Variants in HMGXB3 observed in about 807,000 individuals in gnomAD.
HMGXB3 encodes the protein HMG domain-containing protein 3.
HMGXB3 carries 45 observed loss-of-function variants against 121.5 expected under a neutral mutation model. The observed-to-expected ratio is 0.37, with a 90% CI of 0.29 to 0.47. The LOEUF is 0.47. Among genes scored for constraint, HMGXB3 ranks in the 20% least tolerant of loss-of-function variants. The pLI, the probability that HMGXB3 is intolerant of heterozygous loss-of-function variation, is 0.99. For synonymous variants in HMGXB3, 590 were observed against 624.1 expected, an observed-to-expected ratio of 0.95 and a Z score of 0.81; for missense variants, 1,376 against 1,602.2, an observed-to-expected ratio of 0.86 and a Z score of 2.41.
chr5:150,033,157 T>G (rs1756420720), intron 11 of HMGXB3, among the ~76,000 whole-genome samples: 1 of 152,192 alleles, frequency 6.6e-6, no homozygotes, highest in Admixed American at 6.5e-5. Context: ...TTATTATTAC[T>G]ATTACCAGGA....
In HMGXB3 at chr5:150,050,235, C is replaced by G. The variant is rs141993103; in HGVS notation, c.3202-17C>G. 16,460 of 1,549,506 alleles carry G rather than the reference C, an allele frequency of 0.011. 132 individuals carry two copies. The highest frequency in any genetic ancestry group is 0.012 in the Non-Finnish European group (13,644 of 1,144,954). On this transcript the variant is annotated splice_polypyrimidine_tract_variant and intron_variant, in intron 18 of 19. Transcript: ENST00000502717. ...GCTTCCTAATTAACCCTGCGCCCCC[C>G]ACCCTTCATCTCCCAGGTGGTCTGC...
rs1360334301 is a variant in HMGXB3, at chr5:150,006,636, G to C, written c.301G>C (p.Gly101Arg). Residue 101 changes from glycine to arginine, a missense_variant, in exon 3 of 20, where the codon GGT becomes CGT. This residue lies in a region of HMGXB3 where 1,116 missense variants were observed against 1,369.0 expected (regional missense o/e 0.82). Transcript: ENST00000502717. Reference sequence around the variant, plus strand: ...GGAGAAAGCCAAACTAGAGAAGGAAGGTTTGGATCCTGTAAGTAATTTTTT... The same window carrying C: ...GGAGAAAGCCAAACTAGAGAAGGAACGTTTGGATCCTGTAAGTAATTTTTT... ...YLEKAKLEKEGLDPNSKLSAL... is the reference protein window; with the variant it reads ...YLEKAKLEKERLDPNSKLSAL... The C allele has an allele frequency of 5.2e-6, 8 of 1,551,690 alleles. No individual in the cohort carries two copies. The highest frequency in any genetic ancestry group is 2.7e-5 in the African/African-American group (2 of 72,984).
rs899790282 is a variant in HMGXB3, at chr5:150,010,578, G to A, written c.780G>A (p.Gly260=). The A allele has an allele frequency of 6.4e-6, 10 of 1,551,314 alleles. No individual in the cohort carries two copies. The Admixed American group carries it at 1.2e-4, about 18-fold the overall frequency. ...GSLAVPHPQV[G]ESVSVVTVMR... is the part of the protein sequence containing the mutation. ...TGGCTGTGCCCCACCCCCAGGTTGG[G>A]GAGAGTGTATCAGTGGTAACAGTCA... Residue 260 remains glycine (G), a synonymous_variant, in exon 4 of 20, where the codon GGG becomes GGA. Transcript: ENST00000502717.
At chr5:150,039,240 T>G (rs1756568251) in intron 13 of HMGXB3, among the ~76,000 whole-genome samples, 1 of 152,250 alleles carries the variant, frequency 6.6e-6, no homozygotes, top group African/African-American at 2.4e-5. Context: ...TTGGGAAATT[T>G]TGACATGCCT....
At chr5:150,017,025 C>T (rs1463950477) in intron 5 of HMGXB3, among the ~76,000 whole-genome samples, 1 of 152,192 alleles carries the variant, frequency 6.6e-6, no homozygotes, top group Non-Finnish European at 1.5e-5. Context: ...AGCTTTGACT[C>T]ATGGAGAAAC....
intron 7 of HMGXB3, 78 bp from the exon 8 acceptor site, chr5:150,026,628 A>C (rs1456082285): frequency 8.0e-7 from 1 of 1,246,218 alleles, no homozygotes; most frequent in Admixed American, 2.5e-5. Context: ...CCTCTAAGAA[A>C]GCACTATGTA....
chr5:150,041,798 C>T lies in HMGXB3; in HGVS notation c.2559C>T (p.Thr853=). ...SVQEQTEKTL[T]SEELSQLQEL... ...CTCTTCTTTCAGAGAAGACTCTGAC[C>T]TCGGAGGAGCTGAGCCAGCTGCAGG... is the stretch of plus-strand genomic sequence containing the variant. The change falls in exon 15 of 20, where the codon ACC becomes ACT. Residue 853 remains threonine, a synonymous_variant. Coordinates refer to ENST00000502717, the MANE Select transcript of HMGXB3 (RefSeq NM_014983.3). 6.4e-7 allele frequency: 1 copy of T among 1,551,316 alleles called. No homozygotes were observed. The highest frequency in any genetic ancestry group is 8.7e-7 in the Non-Finnish European group (1 of 1,146,760).
intron 6 of HMGXB3, among the ~76,000 whole-genome samples, chr5:150,022,175 G>C (rs1372361017): frequency 2.6e-5 from 4 of 152,198 alleles, no homozygotes; most frequent in Non-Finnish European, 5.9e-5. Flanking sequence ...GCCCAGGGAA[G>C]CCAAAATTGG....
chr5:150,027,352 T>C (rs1756256718), intron 9 of HMGXB3, among the ~76,000 whole-genome samples: 1 of 152,184 alleles, frequency 6.6e-6, no homozygotes, highest in African/African-American at 2.4e-5. Context: ...GTCACAAAAA[T>C]AAAAATAGTA....
intron 16 of HMGXB3, among the ~76,000 whole-genome samples, chr5:150,046,863 C>T (rs924697705): frequency 4.0e-5 from 6 of 150,878 alleles, no homozygotes; most frequent in African/African-American, 1.2e-4. Context: ...ACCTCATATT[C>T]CTGCTAATAT....
rs116733478 is a variant in HMGXB3, at chr5:150,034,535, A to G, written c.1983+1932A>G. 8.5e-5 allele frequency among the ~76,000 whole-genome samples: 13 copies of G among 152,252 alleles called. No homozygotes were observed. In the South Asian group the frequency reaches 2.3e-3, roughly 27 times the overall value. Reference sequence around the variant, plus strand: ...AACTTCTCAGGTGACATAGGAAATTATCTAGGGACCTCTTGCCAATTTCAA... The same window carrying G: ...AACTTCTCAGGTGACATAGGAAATTGTCTAGGGACCTCTTGCCAATTTCAA... On this transcript the variant is annotated intron_variant, in intron 11 of 19. Transcript: ENST00000502717.
At chr5:150,014,651 GA>G (rs1292822338) in intron 5 of HMGXB3, 2 of 177,182 alleles carry the variant, frequency 1.1e-5, no homozygotes, top group African/African-American at 4.8e-5. Flanking sequence ...GATGCATGCT[GA>G]TGAGGCATCA....
At chr5:150,023,675 A>T (rs1374658288) in intron 6 of HMGXB3, among the ~76,000 whole-genome samples, 1 of 152,276 alleles carries the variant, frequency 6.6e-6, no homozygotes, top group Non-Finnish European at 1.5e-5. Flanking sequence ...TTTGTAGCAC[A>T]TAATAATGCA....
chr5:150,024,631 G>A lies in HMGXB3; in HGVS notation c.1411G>A (p.Glu471Lys), dbSNP rs550114919. 1.9e-5 allele frequency: 30 copies of A among 1,551,662 alleles called. No homozygotes were observed. Among genetic ancestry groups the A allele is most frequent in the African/African-American group, 1.5e-4 (11 of 73,160 alleles). The change falls in exon 7 of 20, where the codon GAG (glutamate) becomes AAG (lysine). Residue 471 changes from glutamate to lysine, a missense_variant. Glu to Lys is a moderately conservative substitution (Grantham distance 56, BLOSUM62 1). This residue lies in a region of HMGXB3 where 1,116 missense variants were observed against 1,369.0 expected (regional missense o/e 0.82). Coordinates refer to ENST00000502717, the MANE Select transcript of HMGXB3 (RefSeq NM_014983.3). ...TGGAGCAGACGTACCAACACCATCCGAGGGGACAAGTACCTCCAGTCCACT... is the reference window on the plus strand; with the variant it reads ...TGGAGCAGACGTACCAACACCATCCAAGGGGACAAGTACCTCCAGTCCACT... Reference protein sequence around the residue: ...SPGADVPTPSEGTSTSSPLPA... With the variant: ...SPGADVPTPSKGTSTSSPLPA...
intron 5 of HMGXB3, among the ~76,000 whole-genome samples, chr5:150,012,997 T>C (rs1002997174): frequency 1.3e-5 from 2 of 152,256 alleles, no homozygotes; most frequent in Non-Finnish European, 2.9e-5. Flanking sequence ...CTTTTGTAGA[T>C]GCTGTTGGGT....
chr5:150,024,740 C>A, intron 7 of HMGXB3, 60 bp downstream of exon 7: 1 of 1,346,820 alleles, frequency 7.4e-7, no homozygotes, highest in Non-Finnish European at 1.0e-6. Context: ...TCTTTTATCT[C>A]ATGTCTGTAC....
chr5:150,040,513 C>G (rs1754503698), intron 13 of HMGXB3, among the ~76,000 whole-genome samples: 1 of 151,492 alleles, frequency 6.6e-6, no homozygotes, highest in African/African-American at 2.4e-5. Context: ...AGTGCTGAGA[C>G]TACAGGCATG....
rs1326186879 is a variant in HMGXB3 at position 150,052,296 on chromosome 5, A to G, written c.*104A>G. 2.2e-6 allele frequency: 2 copies of G among 915,134 alleles called. No homozygotes were observed. The highest frequency in any genetic ancestry group is 3.3e-6 in the Non-Finnish European group (2 of 613,286). The allele number at this position is 915,134 out of a possible 1,614,324, so 56.7% of individuals were successfully genotyped here. A position where few individuals can be genotyped will look rare whatever the true frequency, so the allele number is the denominator to read the frequency against. Reference sequence around the variant, plus strand: ...CCTGCAGAAGTGGTCTCCTGTGGGGAGGGCCTCTGACTGCTGGGACTGACC... The same window carrying G: ...CCTGCAGAAGTGGTCTCCTGTGGGGGGGGCCTCTGACTGCTGGGACTGACC... On this transcript the variant is annotated 3_prime_UTR_variant, in exon 20 of 20. Transcript: ENST00000502717.
chr5:150,018,746 T>G (rs1377872989), intron 6 of HMGXB3, 49 bp downstream of exon 6: 2 of 1,501,050 alleles, frequency 1.3e-6, no homozygotes, highest in Non-Finnish European at 1.8e-6. Context: ...AGAATAGACT[T>G]TCTGTTTGCC....
Sources: gnomAD v4.1 joint callset for allele counts (sites outside exome capture counted in the v4.1 genomes callset) on GRCh38, gnomAD v4.1.1 for gene constraint, gnomAD v4.1.1 regional missense constraint, MANE v1.5 for transcripts, NCBI Gene and HGNC (gene_info 2026-07-23, HGNC 2026-07-21) for gene names.